The following YIPF7 variants were observed in gnomAD, a reference collection of about 807,000 sequenced individuals.
YIPF7 encodes the protein protein YIPF7.
YIPF7 carries 35 observed loss-of-function variants against 27.2 expected under a neutral mutation model. The ratio of observed to expected loss-of-function variants is 1.29; its 90% confidence interval spans 0.98 to 1.70. The LOEUF is 1.70. YIPF7 is among the 40% of genes most tolerant of loss of function. YIPF7 has a pLI of 0.00. For synonymous variants in YIPF7, 137 were observed against 110.4 expected (o/e 1.24, Z -1.51); for missense variants, 358 against 303.7 (o/e 1.18, Z -1.33).
chr4:44,653,770 A>C (rs1337484585), upstream of YIPF7, among the ~76,000 whole-genome samples: 1 of 152,134 alleles, frequency 6.6e-6, no homozygotes, highest in Admixed American at 6.6e-5. Context: ...GATTATTACC[A>C]TCTTTTCTAT....
intron 3 of YIPF7, among the ~76,000 whole-genome samples, chr4:44,630,746 A>G (rs898354119): frequency 1.3e-5 from 2 of 152,172 alleles, no homozygotes; most frequent in Admixed American, 1.3e-4. Flanking sequence ...TCTTATTACT[A>G]TAAAGCAAAT....
chr4:44,639,363 AT>A (rs1713246668), intron 2 of YIPF7, among the ~76,000 whole-genome samples: 1 of 151,914 alleles, frequency 6.6e-6, no homozygotes, highest in Non-Finnish European at 1.5e-5. Flanking sequence ...CATGCACAAT[AT>A]TTTTTCATCA....
At chr4:44,628,432 T>C (rs1239340837) in intron 4 of YIPF7, among the ~76,000 whole-genome samples, 5 of 152,184 alleles carry the variant, frequency 3.3e-5, no homozygotes, top group African/African-American at 1.2e-4. Flanking sequence ...ATTATTATTA[T>C]GGAACATGAA....
At chr4:44,644,578 T>C (rs1157477324) in intron 2 of YIPF7, among the ~76,000 whole-genome samples, 3 of 152,176 alleles carry the variant, frequency 2.0e-5, no homozygotes, top group Non-Finnish European at 2.9e-5. Flanking sequence ...AAGTTACTAA[T>C]TTGTTTTTGA....
chr4:44,640,901 T>G (rs987230190), intron 2 of YIPF7, among the ~76,000 whole-genome samples: 1 of 151,966 alleles, frequency 6.6e-6, no homozygotes, highest in African/African-American at 2.4e-5. Context: ...TCACACAGTC[T>G]GTTAAGGGCT....
intron 3 of YIPF7, among the ~76,000 whole-genome samples, chr4:44,631,031 CATACATCGGTCTTATAA>C (rs1393689023): frequency 2.0e-5 from 3 of 152,172 alleles, no homozygotes; most frequent in African/African-American, 7.2e-5. Flanking sequence ...ACAAGATTTA[CATACATCGGTCTTATAA>C]ATACACAATC....
intron 1 of YIPF7, among the ~76,000 whole-genome samples, chr4:44,651,335 C>T (rs1276186001): frequency 6.6e-6 from 1 of 152,092 alleles, no homozygotes; most frequent in Non-Finnish European, 1.5e-5. Context: ...AATCTTTTAA[C>T]AATTTATAAT....
chr4:44,629,346 A>T, intron 4 of YIPF7, 57 bp downstream of exon 4: 4 of 1,453,952 alleles, frequency 2.8e-6, no homozygotes, highest in Non-Finnish European at 3.6e-6. Flanking sequence ...AGATTGCTTC[A>T]AAGCCAGCAC....
rs776467075 is a variant in YIPF7 at position 44,622,502 on chromosome 4, G to T, written c.683C>A (p.Ala228Glu). ...CTGCTGTCCTTCCATGTGCAAGGCTGCAATGAAGATCTTGGAAGCTGAGAG... is the reference window on the plus strand; with the variant it reads ...CTGCTGTCCTTCCATGTGCAAGGCTTCAATGAAGATCTTGGAAGCTGAGAG... ...CSLSASKIFI[A>E]ALHMEGQQLL... The change falls in exon 6 of 6, where the codon GCA becomes GAA. Residue 228 changes from alanine to glutamate, a missense_variant. Physicochemically the swap from Ala to Glu is moderately radical, Grantham distance 107. Transcript: ENST00000415895. 2 of 1,613,874 alleles carry T rather than the reference G, an allele frequency of 1.2e-6. No individual in the cohort carries two copies. Among genetic ancestry groups the T allele is most frequent in the South Asian group, 2.2e-5 (2 of 91,084 alleles).
At chr4:44,634,468 G>A (rs766099830) in intron 3 of YIPF7, among the ~76,000 whole-genome samples, 2 of 151,996 alleles carry the variant, frequency 1.3e-5, no homozygotes, top group South Asian at 2.1e-4. Flanking sequence ...GGAGGCAGAG[G>A]TTGCAGAGAG....
chr4:44,624,915 G>A, intron 4 of YIPF7, 133 bp from the exon 5 acceptor site: 1 of 773,670 alleles, frequency 1.3e-6, no homozygotes, highest in East Asian at 3.0e-5. Context: ...GTCATCAGGA[G>A]ACTGGAAGTT....
upstream of YIPF7, among the ~76,000 whole-genome samples, chr4:44,653,445 G>T (rs956621457): frequency 9.2e-5 from 14 of 152,048 alleles, no homozygotes; most frequent in Non-Finnish European, 1.3e-4. Context: ...AAGGAGAACT[G>T]GTACAAAAGT....
intron 2 of YIPF7, among the ~76,000 whole-genome samples, chr4:44,639,663 A>G (rs1172887458): frequency 1.3e-5 from 2 of 152,136 alleles, no homozygotes; most frequent in African/African-American, 2.4e-5. Context: ...CCAATTACCA[A>G]TTTGGATGGC....
chr4:44,637,472 T>G (rs1713168389), intron 2 of YIPF7, among the ~76,000 whole-genome samples: 1 of 152,346 alleles, frequency 6.6e-6, no homozygotes, highest in Non-Finnish European at 1.5e-5. Flanking sequence ...ACTGTTGTTT[T>G]AATTTTCATT....
At chr4:44,653,283 G>T (rs542218432), upstream of YIPF7, among the ~76,000 whole-genome samples, 1 of 152,106 alleles carries the variant, frequency 6.6e-6, no homozygotes, top group South Asian at 2.1e-4. Flanking sequence ...GAGTCTAAAG[G>T]TTACATAATT....
chr4:44,624,117 G>C (rs942101877), intron 5 of YIPF7, among the ~76,000 whole-genome samples: 11 of 148,990 alleles, frequency 7.4e-5, no homozygotes, highest in African/African-American at 2.0e-4. Flanking sequence ...CCAGGCTGGA[G>C]TGCAGTGGTG....
intron 3 of YIPF7, among the ~76,000 whole-genome samples, chr4:44,632,741 G>T (rs1712953751): frequency 6.6e-6 from 1 of 151,944 alleles, no homozygotes; most frequent in South Asian, 2.1e-4. Flanking sequence ...ACATACCCTG[G>T]CCTTTTTCAT....
At chr4:44,639,126 T>G (rs572796330) in intron 2 of YIPF7, among the ~76,000 whole-genome samples, 13 of 152,328 alleles carry the variant, frequency 8.5e-5, no homozygotes, top group African/African-American at 2.9e-4. Flanking sequence ...GGTAATGAGA[T>G]GCCTCCAGGT....
intron 2 of YIPF7, among the ~76,000 whole-genome samples, chr4:44,659,829 C>G (rs899522696): frequency 1.3e-5 from 2 of 152,064 alleles, no homozygotes; most frequent in South Asian, 2.1e-4. Flanking sequence ...AAAACAAAAT[C>G]TTGGCCAGGC....
Sources: gnomAD v4.1 joint callset for allele counts (sites outside exome capture counted in the v4.1 genomes callset) on GRCh38, gnomAD v4.1.1 for gene constraint, MANE v1.5 for transcripts, NCBI Gene and HGNC (gene_info 2026-07-23, HGNC 2026-07-21) for gene names.